The following ABCA12 variants were observed in gnomAD, a reference collection of about 807,000 sequenced individuals.
ABCA12 encodes glucosylceramide transporter ABCA12.
Under a neutral mutation model 293.5 loss-of-function variants are expected in ABCA12, and 156 were observed. The ratio of observed to expected loss-of-function variants is 0.53; its 90% CI spans 0.47 to 0.61. ABCA12 has a LOEUF of 0.61. Ranked by LOEUF, ABCA12 falls within the 20% of genes least tolerant of loss-of-function variation. ABCA12 has a pLI of 0.00. For synonymous variants in ABCA12, 1,063 were observed against 1,108.0 expected (o/e 0.96, Z 0.81); for missense variants, 2,797 against 3,090.2 (o/e 0.91, Z 2.25).
chr2:215,112,202 AC>A (rs1217385039), intron 1 of ABCA12, among the ~76,000 whole-genome samples: 5 of 152,164 alleles, frequency 3.3e-5, no homozygotes, highest in African/African-American at 7.2e-5. Flanking sequence ...TTAAGAATGA[AC>A]CAAAAAAGAA....
chr2:214,989,619 G>A lies in ABCA12; in HGVS notation c.3627C>T (p.Ser1209=), dbSNP rs768593815. 5.6e-6 allele frequency: 9 copies of A among 1,613,804 alleles called. No homozygotes were observed. In the South Asian group the frequency reaches 9.9e-5, roughly 18 times the overall value. ...ELSYVLKVFM[S]LLSPTAFSYA... is the part of the protein sequence containing the mutation. ...AGCTGAATGCTGTTGGGGACAGCAG[G>A]CTCTGTGAAGAAAGGAAACGGCAAT... Residue 1209 remains serine, a splice_region_variant and synonymous_variant, in exon 25 of 53, where the codon AGC becomes AGT. Coordinates refer to ENST00000272895, the MANE Select transcript of ABCA12 (RefSeq NM_173076.3).
In ABCA12 at chr2:214,973,959, T is replaced by G; in HGVS notation, c.5552A>C (p.Glu1851Ala). The change falls in exon 36 of 53, where the codon GAA becomes GCA. Residue 1851 changes from glutamate (E) to alanine (A), a missense_variant. Glu to Ala is a moderately radical substitution (Grantham distance 107, BLOSUM62 -1). Around this residue, in one of 3 missense-constraint regions of ABCA12, gnomAD observed 2,130 missense variants for 2,427.0 expected, o/e 0.88. Coordinates refer to ENST00000272895, the MANE Select transcript of ABCA12 (RefSeq NM_173076.3). ...ITNFGVCSCS[E>A]NVQECPKFNY... is the part of the protein sequence containing the mutation. ...TGAATTCCATCTTACCTGGACATTT[T>G]CTGAGCAGGAGCAAACACCAAAATT... is the stretch of plus-strand genomic sequence containing the variant. 1.2e-6 allele frequency: 2 copies of G among 1,613,874 alleles called. No individual in the cohort carries two copies. The highest frequency in any genetic ancestry group is 1.7e-6 in the Non-Finnish European group (2 of 1,179,804).
At chr2:214,991,284 C>T (rs1034592348) in intron 23 of ABCA12, among the ~76,000 whole-genome samples, 1 of 152,180 alleles carries the variant, frequency 6.6e-6, no homozygotes, top group Admixed American at 6.5e-5. Flanking sequence ...GGTTTAATTA[C>T]AGTTCCACTT....
At chr2:215,123,155 T>C (rs1296926334) in intron 1 of ABCA12, among the ~76,000 whole-genome samples, 1 of 152,144 alleles carries the variant, frequency 6.6e-6, no homozygotes, top group East Asian at 1.9e-4. Flanking sequence ...GGTGCTTATA[T>C]ACCACATTTT....
chr2:215,117,280 T>A (rs149442936), intron 1 of ABCA12, among the ~76,000 whole-genome samples: 1 of 152,190 alleles, frequency 6.6e-6, no homozygotes, highest in Non-Finnish European at 1.5e-5. Context: ...AAGCTTCACA[T>A]CAAGAAATTC....
chr2:215,104,047 CTTGGACATTAGCACTCCCTATCTG>C (rs1702413059), intron 2 of ABCA12, among the ~76,000 whole-genome samples: 1 of 152,058 alleles, frequency 6.6e-6, no homozygotes, highest in African/African-American at 2.4e-5. Context: ...ATCGGATAGA[CTTGGACATTAGCACTCCCTATCTG>C]AGAGGAGGCC....
chr2:214,944,243 C>T (rs1698502882), intron 49 of ABCA12, among the ~76,000 whole-genome samples: 1 of 151,892 alleles, frequency 6.6e-6, no homozygotes, highest in South Asian at 2.1e-4. Context: ...GAAACCCTGC[C>T]TTTACTAAAA....
At chr2:215,079,402 G>T (rs1411325693) in intron 2 of ABCA12, among the ~76,000 whole-genome samples, 1 of 152,096 alleles carries the variant, frequency 6.6e-6, no homozygotes, top group East Asian at 1.9e-4. Flanking sequence ...GCCCGTGTTC[G>T]GTATCAACTC....
intron 2 of ABCA12, chr2:215,080,921 C>G (rs767847499): frequency 1.4e-4 from 21 of 152,224 alleles, no homozygotes; most frequent in Non-Finnish European, 2.6e-4. Context: ...TCTTTCCTCC[C>G]CCTCAGAACC....
At chr2:215,135,860 CAA>C (rs1286042882) in intron 1 of ABCA12, among the ~76,000 whole-genome samples, 2 of 152,110 alleles carry the variant, frequency 1.3e-5, no homozygotes, top group African/African-American at 4.8e-5. Context: ...CACGTGTCTT[CAA>C]GTCTTTTTCC....
At chr2:214,947,817 A>T (rs1390838202) in intron 47 of ABCA12, 1 of 458,984 alleles carries the variant, frequency 2.2e-6, no homozygotes, top group Admixed American at 3.4e-5. Flanking sequence ...GTGTGTTTAC[A>T]ATTGCAGATT....
At chr2:215,024,966 A>G (rs535861724) in intron 11 of ABCA12, among the ~76,000 whole-genome samples, 2 of 152,288 alleles carry the variant, frequency 1.3e-5, no homozygotes, top group South Asian at 4.1e-4. Flanking sequence ...ATTCTCTAGT[A>G]TCATAAATTT....
intron 5 of ABCA12, among the ~76,000 whole-genome samples, chr2:215,050,510 T>C (rs1234869340): frequency 6.6e-6 from 1 of 152,168 alleles, no homozygotes; most frequent in Admixed American, 6.6e-5. Flanking sequence ...ATGTTGATCA[T>C]ATTTACCATT....
intron 22 of ABCA12, among the ~76,000 whole-genome samples, chr2:214,998,521 T>C (rs1028092024): frequency 6.6e-6 from 1 of 152,202 alleles, no homozygotes. Flanking sequence ...CTCTGGAAGA[T>C]GCTTTATACA....
chr2:214,988,981 G>T (rs1158570987), intron 26 of ABCA12, among the ~76,000 whole-genome samples: 1 of 150,940 alleles, frequency 6.6e-6, no homozygotes, highest in Non-Finnish European at 1.5e-5. Flanking sequence ...AAGCTCGAGA[G>T]CAGCCTGGCT....
At chr2:214,950,043 A>G (rs1371419467) in intron 45 of ABCA12, among the ~76,000 whole-genome samples, 3 of 152,166 alleles carry the variant, frequency 2.0e-5, no homozygotes, top group Non-Finnish European at 2.9e-5. Flanking sequence ...TCAGGGGGAA[A>G]AAATCATCTG....
chr2:214,966,709 T>A, intron 39 of ABCA12, 139 bp downstream of exon 39: 1 of 778,950 alleles, frequency 1.3e-6, no homozygotes, highest in Non-Finnish European at 2.2e-6. Context: ...AGTTACTACT[T>A]CTAAACTCCT....
At chr2:214,948,783 T>C (rs773426729) in intron 46 of ABCA12, 46 bp from the exon 47 acceptor site, 131 of 1,612,432 alleles carry the variant, frequency 8.1e-5, no homozygotes, top group Non-Finnish European at 1.1e-4. Flanking sequence ...AAAAGATTTA[T>C]CCCTCCTGGT....
chr2:215,095,290 T>G (rs1702227965), intron 2 of ABCA12, among the ~76,000 whole-genome samples: 1 of 152,162 alleles, frequency 6.6e-6, no homozygotes, highest in Admixed American at 6.6e-5. Context: ...CCAAACCCCC[T>G]TGGGCACTCT....
Sources: gnomAD v4.1 joint callset for allele counts (sites outside exome capture counted in the v4.1 genomes callset) on GRCh38, gnomAD v4.1.1 for gene constraint, gnomAD v4.1.1 regional missense constraint, MANE v1.5 for transcripts, NCBI Gene and HGNC (gene_info 2026-07-23, HGNC 2026-07-21) for gene names.